Variants in KCNN3 observed in about 807,000 individuals in gnomAD.
The protein encoded by KCNN3 is potassium calcium-activated channel subfamily N member 3.
KCNN3 carries 16 observed loss-of-function variants against 62.9 expected under a neutral mutation model. That is an observed-to-expected ratio of 0.25 (90% CI 0.17 to 0.39). The LOEUF is 0.39. Ranked by LOEUF, KCNN3 falls within the 10% of genes least tolerant of loss-of-function variation. The pLI, the probability that KCNN3 is intolerant of heterozygous loss-of-function variation, is 1.00. For missense variants in KCNN3, 599 were observed against 949.4 expected, an observed-to-expected ratio of 0.63 and a Z score of 4.85; for synonymous variants, 370 against 389.2, an observed-to-expected ratio of 0.95 and a Z score of 0.58.
intron 2 of KCNN3, among the ~76,000 whole-genome samples, chr1:154,780,661 T>C (rs1416831030): frequency 1.3e-5 from 2 of 151,300 alleles, no homozygotes; most frequent in Non-Finnish European, 1.5e-5. Context: ...ATGTACACCA[T>C]TACTACGGGG....
intron 3 of KCNN3, among the ~76,000 whole-genome samples, chr1:154,733,416 T>A (rs938309038): frequency 1.3e-5 from 2 of 152,190 alleles, no homozygotes; most frequent in African/African-American, 4.8e-5. Context: ...ATTGTAGACA[T>A]CCTTTTAGTG....
rs145997269 is a variant in KCNN3 at position 154,835,312 on chromosome 1, A to G, written c.934-13128T>C. Among the ~76,000 whole-genome samples, 865 of 152,292 alleles carry G rather than the reference A, an allele frequency of 5.7e-3. 15 individuals carry two copies. Among genetic ancestry groups the G allele is most frequent in the African/African-American group, 0.02 (822 of 41,548 alleles). ...TGGTAATCATTAATATAATAATCTCAAAAGTGTCCCAGTTTAGACAATGAA... is the reference window on the plus strand; with the variant it reads ...TGGTAATCATTAATATAATAATCTCGAAAGTGTCCCAGTTTAGACAATGAA... On this transcript the variant is annotated intron_variant, in intron 1 of 7. Coordinates refer to ENST00000271915, the MANE Select transcript of KCNN3 (RefSeq NM_002249.6).
intron 3 of KCNN3, among the ~76,000 whole-genome samples, chr1:154,749,269 A>G (rs945731594): frequency 3.3e-5 from 5 of 152,266 alleles, no homozygotes; most frequent in Admixed American, 3.3e-4. Flanking sequence ...AGTGCTGCAT[A>G]GGCAGTGCTC....
chr1:154,794,961 G>T (rs1649667940), intron 2 of KCNN3, among the ~76,000 whole-genome samples: 1 of 152,238 alleles, frequency 6.6e-6, no homozygotes, highest in Non-Finnish European at 1.5e-5. Flanking sequence ...TGTCTGCTCT[G>T]TGTAATAAGG....
intron 1 of KCNN3, among the ~76,000 whole-genome samples, chr1:154,852,332 T>C (rs1161431959): frequency 7.3e-5 from 11 of 150,952 alleles, no homozygotes; most frequent in Non-Finnish European, 1.3e-4. Flanking sequence ...ACCTCCCAAG[T>C]AGCTAGAACC....
chr1:154,755,465 A>C (rs376094338), intron 3 of KCNN3, among the ~76,000 whole-genome samples: 2 of 145,006 alleles, frequency 1.4e-5, no homozygotes, highest in East Asian at 3.9e-4. Flanking sequence ...TGAGACAAGA[A>C]AGAAAGGAAG....
chr1:154,859,471 A>C (rs1652667486), intron 1 of KCNN3, among the ~76,000 whole-genome samples: 2 of 152,232 alleles, frequency 1.3e-5, no homozygotes, highest in African/African-American at 2.4e-5. Flanking sequence ...CATCCATTAC[A>C]AACGGGGACA....
chr1:154,861,551 C>T (rs866257642), intron 1 of KCNN3, among the ~76,000 whole-genome samples: 45 of 152,174 alleles, frequency 3.0e-4, no homozygotes, highest in African/African-American at 1.0e-3. Context: ...GGGCTTCTCA[C>T]ACTCAGAATT....
chr1:154,754,480 A>G (rs1183014686), intron 3 of KCNN3, among the ~76,000 whole-genome samples: 1 of 152,240 alleles, frequency 6.6e-6, no homozygotes, highest in East Asian at 1.9e-4. Flanking sequence ...ATTACCAATA[A>G]TAAAGACTAC....
At chr1:154,842,818 C>T (rs961992055) in intron 1 of KCNN3, among the ~76,000 whole-genome samples, 5 of 152,198 alleles carry the variant, frequency 3.3e-5, no homozygotes, top group African/African-American at 1.2e-4. Flanking sequence ...TTTGACTCAA[C>T]AGAGGCAGCA....
At chr1:154,787,181 C>A (rs1481650384) in intron 2 of KCNN3, among the ~76,000 whole-genome samples, 1 of 152,256 alleles carries the variant, frequency 6.6e-6, no homozygotes, top group African/African-American at 2.4e-5. Flanking sequence ...GAATTCCTAT[C>A]GTAGGCACTG....
rs1653104061 is a variant in KCNN3, at chr1:154,869,762, TGCTGAA to T, written c.197_202del (p.Leu66_Gln67del). ...CTGCTGCTGCTGCTGCTGCTGCTGCTGCTGAAGCTGCGGAGGCTGAGGCTGCAGCGA... is the reference window on the plus strand; with the variant it reads ...CTGCTGCTGCTGCTGCTGCTGCTGCTGCTGCGGAGGCTGAGGCTGCAGCGA... On this transcript the variant is annotated inframe_deletion, in exon 1 of 8. Coordinates refer to ENST00000271915, the MANE Select transcript of KCNN3 (RefSeq NM_002249.6). This position sits in a 1 kb window ranked among gnomAD's most constrained non-coding sequence, Gnocchi z 6.1. 29 of 1,520,852 alleles carry T rather than the reference TGCTGAA, an allele frequency of 1.9e-5. No individual in the cohort carries two copies. Among genetic ancestry groups the T allele is most frequent in the Non-Finnish European group, 2.3e-5 (26 of 1,127,602 alleles). The allele number at this position is 1,520,852 out of a possible 1,614,324, so 94.2% of individuals were successfully genotyped here.
chr1:154,824,575 A>G (rs982582091), intron 1 of KCNN3, among the ~76,000 whole-genome samples: 7 of 152,198 alleles, frequency 4.6e-5, no homozygotes, highest in African/African-American at 1.7e-4. Flanking sequence ...GACAGCTCAC[A>G]ATGTTTTCCA....
In KCNN3 at chr1:154,702,724, T is replaced by C. The variant is rs1424334152; in HGVS notation, c.*5252A>G. 2 of 124,006 alleles carry C rather than the reference T, an allele frequency of 1.6e-5. No individual in the cohort carries two copies. Among genetic ancestry groups the C allele is most frequent in the East Asian group, 2.2e-4 (1 of 4,538 alleles). 7.7% of individuals were successfully genotyped at this position (124,006 alleles called of 1,614,324 possible). ...AGATATATATATATATATATATATA[T>C]ATATATATATATATATATATATATG... On this transcript the variant is annotated 3_prime_UTR_variant, in exon 8 of 8. Transcript: ENST00000271915.
intron 1 of KCNN3, among the ~76,000 whole-genome samples, chr1:154,849,924 A>T (rs548431122): frequency 4.6e-5 from 7 of 152,236 alleles, no homozygotes; most frequent in African/African-American, 1.7e-4. Context: ...GGCATTGCTA[A>T]AAGTCCCCTG....
intron 3 of KCNN3, among the ~76,000 whole-genome samples, chr1:154,760,302 G>A (rs1051744590): frequency 1.3e-5 from 2 of 151,246 alleles, no homozygotes; most frequent in African/African-American, 4.9e-5. Flanking sequence ...AGCAGTTTAA[G>A]TGTCAAAGGG....
intron 2 of KCNN3, among the ~76,000 whole-genome samples, chr1:154,817,109 T>A (rs1466846145): frequency 6.6e-6 from 1 of 152,192 alleles, no homozygotes; most frequent in Non-Finnish European, 1.5e-5. Context: ...ATCTGTACAA[T>A]AACCCTTTCT....
chr1:154,767,741 C>G (rs749037208), intron 3 of KCNN3, among the ~76,000 whole-genome samples: 1 of 152,202 alleles, frequency 6.6e-6, no homozygotes, highest in Non-Finnish European at 1.5e-5. Context: ...GGCCTCGGAA[C>G]CCATGATGTA....
At chr1:154,740,345 C>T (rs961164054) in intron 3 of KCNN3, among the ~76,000 whole-genome samples, 1 of 152,170 alleles carries the variant, frequency 6.6e-6, no homozygotes, top group Admixed American at 6.5e-5. Context: ...TGCAGTGGCA[C>T]AATCATAGCT....
Sources: gnomAD v4.1 joint callset for allele counts (sites outside exome capture counted in the v4.1 genomes callset) on GRCh38, gnomAD v4.1.1 for gene constraint, Gnocchi (gnomAD v3.1) non-coding constraint, MANE v1.5 for transcripts, NCBI Gene and HGNC (gene_info 2026-07-23, HGNC 2026-07-21) for gene names.